Variants in WLS observed in about 807,000 individuals in gnomAD.
WLS encodes the protein protein wntless homolog.
A neutral mutation model predicts 62.8 loss-of-function variants in WLS; 23 were observed. That is an observed-to-expected ratio of 0.37 (90% CI 0.26 to 0.52). WLS has a LOEUF of 0.52. Among genes scored for constraint, WLS ranks in the 20% least tolerant of loss-of-function variants. The pLI is 0.92. For missense variants in WLS, 615 were observed against 697.3 expected (o/e 0.88, Z 1.33); for synonymous variants, 246 against 244.1 (o/e 1.01, Z -0.07).
chr1:68,120,827 C>G (rs1217639663), downstream of WLS, among the ~76,000 whole-genome samples: 6 of 152,186 alleles, frequency 3.9e-5, no homozygotes, highest in South Asian at 4.1e-4. Flanking sequence ...TGTAAATTCT[C>G]TAGCAATTGG....
chr1:68,099,144 C>G (rs995922936), intron 11 of WLS, among the ~76,000 whole-genome samples: 1 of 152,188 alleles, frequency 6.6e-6, no homozygotes, highest in African/African-American at 2.4e-5. Flanking sequence ...CTGGGGGATA[C>G]AGCAAGCCAC....
Position 68,155,114 on chromosome 1 carries a change from C to G in WLS, c.651G>C (p.Lys217Asn), listed in dbSNP as rs778457421. The change falls in exon 4 of 12, where the codon AAG becomes AAC. Residue 217 changes from lysine (K) to asparagine (N), a missense_variant. Transcript: ENST00000262348. ...KKINVGIGEI[K>N]DIRLVGIHQN... Reference sequence around the variant, plus strand: ...ATTCACTTACCACCAACCGGATATCCTTTATCTCCCCAATTCCCACATTGA... The same window carrying G: ...ATTCACTTACCACCAACCGGATATCGTTTATCTCCCCAATTCCCACATTGA... 2.5e-6 allele frequency: 4 copies of G among 1,613,730 alleles called. No individual in the cohort carries two copies. In the South Asian group the frequency reaches 4.4e-5, roughly 18 times the overall value.
At chr1:68,115,286 C>T (rs949293846) in intron 11 of WLS, among the ~76,000 whole-genome samples, 4 of 152,200 alleles carry the variant, frequency 2.6e-5, no homozygotes, top group Admixed American at 1.3e-4. Context: ...ATTGCACCAA[C>T]ACACATGCCT....
At chr1:68,173,167 T>C (rs1647179245) in intron 2 of WLS, among the ~76,000 whole-genome samples, 1 of 152,242 alleles carries the variant, frequency 6.6e-6, no homozygotes, top group Admixed American at 6.5e-5. Flanking sequence ...AACCAATCTT[T>C]CGCTAACAAA....
chr1:68,150,362 G>A lies in WLS; in HGVS notation c.804-6C>T. ...TCCCAAGGGCAAAGATGACTCTGAT[G>A]GTGAGAAAATATCAGGACAGCCACT... On this transcript the variant is annotated splice_polypyrimidine_tract_variant and splice_region_variant and intron_variant, in intron 5 of 11. Coordinates refer to ENST00000262348, the MANE Select transcript of WLS (RefSeq NM_024911.7). The A allele has an allele frequency of 6.2e-7, 1 of 1,613,752 alleles. No homozygotes were observed. Among genetic ancestry groups the A allele is most frequent in the Non-Finnish European group, 8.5e-7 (1 of 1,179,844 alleles).
intron 11 of WLS, among the ~76,000 whole-genome samples, chr1:68,115,530 A>G (rs1646280202): frequency 1.3e-5 from 2 of 152,196 alleles, no homozygotes; most frequent in Non-Finnish European, 2.9e-5. Context: ...GACACAGGGC[A>G]AGTCACTCAA....
chr1:68,143,741 C>T (rs771850819), intron 10 of WLS, among the ~76,000 whole-genome samples: 2 of 152,154 alleles, frequency 1.3e-5, no homozygotes, highest in South Asian at 2.1e-4. Flanking sequence ...CATAATGATG[C>T]GTTTCTCAGA....
intron 2 of WLS, chr1:68,163,050 A>G (rs1647005529): frequency 1.3e-6 from 2 of 1,579,368 alleles, no homozygotes; most frequent in Non-Finnish European, 1.7e-6. Flanking sequence ...AATTCTGTCC[A>G]ATTGCTGTCT....
chr1:68,125,608 T>G lies in WLS; in HGVS notation c.*618A>C. ...GATTGGTTAGTATTAGATACACAGA[T>G]TTGGTTTCAAAGCTGAAATACCCCT... is the stretch of plus-strand genomic sequence containing the variant. On this transcript the variant is annotated 3_prime_UTR_variant, in exon 12 of 12. Coordinates refer to ENST00000262348, the MANE Select transcript of WLS (RefSeq NM_024911.7). The G allele has an allele frequency of 1.0e-6, 1 of 985,542 alleles. No individual in the cohort carries two copies. The highest frequency in any genetic ancestry group is 1.2e-6 in the Non-Finnish European group (1 of 830,008). The allele number at this position is 985,542 out of a possible 1,614,324, so 61.0% of individuals were successfully genotyped here.
chr1:68,159,933 C>G (rs1646949619), intron 2 of WLS, among the ~76,000 whole-genome samples: 1 of 152,162 alleles, frequency 6.6e-6, no homozygotes, highest in Non-Finnish European at 1.5e-5. Context: ...TTCACACATA[C>G]TTCCATATGT....
At chr1:68,230,488 G>T (rs1650354066) in intron 1 of WLS, among the ~76,000 whole-genome samples, 1 of 151,934 alleles carries the variant, frequency 6.6e-6, no homozygotes, top group Non-Finnish European at 1.5e-5. Flanking sequence ...AGCAGAGAAG[G>T]TATTAAGAGC....
intron 5 of WLS, among the ~76,000 whole-genome samples, chr1:68,152,750 G>A (rs1158694629): frequency 6.6e-6 from 1 of 152,130 alleles, no homozygotes; most frequent in Non-Finnish European, 1.5e-5. Flanking sequence ...AGGGGGAAGT[G>A]GGAAATGGGA....
Position 68,126,420 on chromosome 1 carries a change from G to A in WLS, c.1517-85C>T. The A allele has an allele frequency of 1.9e-6, 3 of 1,545,384 alleles. 1 individual carries two copies. The South Asian group carries it at 3.6e-5, about 18-fold the overall frequency. On this transcript the variant is annotated intron_variant, in intron 11 of 11. Coordinates refer to ENST00000262348, the MANE Select transcript of WLS (RefSeq NM_024911.7). ...TCATCTCATGGACAACTGCCCTGAT[G>A]CTAGCCCTCTTTGACATTCTGAGCA...
In WLS at chr1:68,153,544, A is replaced by G. The variant is rs1347801732; in HGVS notation, c.776T>C (p.Met259Thr). Residue 259 changes from methionine (M) to threonine (T), a missense_variant, in exon 5 of 12, where the codon ATG (methionine) becomes ACG (threonine). Met to Thr is a moderately conservative substitution (Grantham distance 81). Transcript: ENST00000262348. ...TTCCAGAAGCACTGGGGGTCGGGAC[A>G]TCATGGTGATCCTCCTCCAATACCA... ...MVWYWRRITMMSRPPVLLEKV... is the reference protein window; with the variant it reads ...MVWYWRRITMTSRPPVLLEKV... The G allele has an allele frequency of 6.2e-7, 1 of 1,614,190 alleles. No individual in the cohort carries two copies. Among genetic ancestry groups the G allele is most frequent in the Admixed American group, 1.7e-5 (1 of 60,016 alleles).
At chr1:68,176,205 T>G (rs1393032539) in intron 2 of WLS, 1 of 149,750 alleles carries the variant, frequency 6.7e-6, no homozygotes, top group Non-Finnish European at 1.5e-5. Context: ...ATCTTTTTCC[T>G]CTGTGACTTA....
At chr1:68,229,716 A>G (rs969983185) in intron 1 of WLS, among the ~76,000 whole-genome samples, 2 of 96,558 alleles carry the variant, frequency 2.1e-5, no homozygotes, top group African/African-American at 7.8e-5. Flanking sequence ...ATTTAAGAGC[A>G]AAAAAAAATT....
At chr1:68,189,847 A>G (rs1019296430) in intron 2 of WLS, among the ~76,000 whole-genome samples, 2 of 152,174 alleles carry the variant, frequency 1.3e-5, no homozygotes, top group Non-Finnish European at 2.9e-5. Context: ...CAGTCTGGCC[A>G]ACATGGCGAA....
At chr1:68,144,730 T>C (rs757779853) in intron 9 of WLS, 78 bp from the exon 10 acceptor site, 1 of 1,213,620 alleles carries the variant, frequency 8.2e-7, no homozygotes, top group Non-Finnish European at 1.2e-6. Context: ...ATAAAAAGCT[T>C]AATTTTAAAG....
chr1:68,173,479 T>C (rs1013245096), intron 2 of WLS, among the ~76,000 whole-genome samples: 2 of 152,048 alleles, frequency 1.3e-5, no homozygotes, highest in Admixed American at 6.6e-5. Context: ...TGTCTAAAAA[T>C]AGATGATGGC....
Sources: gnomAD v4.1 joint callset for allele counts (sites outside exome capture counted in the v4.1 genomes callset) on GRCh38, gnomAD v4.1.1 for gene constraint, MANE v1.5 for transcripts, NCBI Gene and HGNC (gene_info 2026-07-23, HGNC 2026-07-21) for gene names.